The following CACNA1E variants were observed in gnomAD, a reference collection of about 807,000 sequenced individuals.
The protein encoded by CACNA1E is calcium voltage-gated channel subunit alpha1 E.
Under a neutral mutation model 259.2 loss-of-function variants are expected in CACNA1E, and 40 were observed. The ratio of observed to expected loss-of-function variants is 0.15; its 90% CI spans 0.12 to 0.20. The LOEUF is 0.20. Among genes scored for constraint, CACNA1E ranks in the 10% least tolerant of loss-of-function variants. CACNA1E has a pLI of 1.00. For missense variants in CACNA1E, 1,874 were observed against 3,040.1 expected (o/e 0.62, Z 9.02); for synonymous variants, 1,104 against 1,138.5 (o/e 0.97, Z 0.61).
chr1:181,431,729 A>AT (rs1659733988), intron 2 of CACNA1E, among the ~76,000 whole-genome samples: 1 of 152,164 alleles, frequency 6.6e-6, no homozygotes, highest in African/African-American at 2.4e-5. Context: ...TAGTACAAGG[A>AT]TTTTGACTGG....
chr1:181,756,361 A>G (rs1476389256), intron 29 of CACNA1E, among the ~76,000 whole-genome samples: 2 of 152,322 alleles, frequency 1.3e-5, no homozygotes, highest in African/African-American at 2.4e-5. Flanking sequence ...TCTGACTTCT[A>G]TGGAACAAAT....
chr1:181,630,900 C>T (rs1209997193), intron 6 of CACNA1E, among the ~76,000 whole-genome samples: 2 of 152,072 alleles, frequency 1.3e-5, no homozygotes, highest in Non-Finnish European at 2.9e-5. Flanking sequence ...TCCATGTGTA[C>T]TGGTTTCAAG....
intron 2 of CACNA1E, among the ~76,000 whole-genome samples, chr1:181,474,296 A>G (rs1662703205): frequency 6.6e-6 from 1 of 152,218 alleles, no homozygotes; most frequent in Non-Finnish European, 1.5e-5. Flanking sequence ...GAGTGCATGT[A>G]TATGTGTGTG....
intron 2 of CACNA1E, among the ~76,000 whole-genome samples, chr1:181,457,219 C>A (rs1004025558): frequency 2.6e-5 from 4 of 152,236 alleles, no homozygotes; most frequent in African/African-American, 9.6e-5. Flanking sequence ...CAAAGGATCT[C>A]TTTGGGGCCT....
intron 2 of CACNA1E, among the ~76,000 whole-genome samples, chr1:181,424,779 G>A (rs992874896): frequency 1.3e-5 from 2 of 152,156 alleles, no homozygotes; most frequent in South Asian, 2.1e-4. Flanking sequence ...CCTTGGGGGA[G>A]GACTCTCCCC....
At chr1:181,773,187 T>C (rs944751487) in intron 37 of CACNA1E, among the ~76,000 whole-genome samples, 9 of 152,160 alleles carry the variant, frequency 5.9e-5, no homozygotes, top group Non-Finnish European at 1.2e-4. Context: ...CCAAGGGGAC[T>C]GAAACTTCCC....
chr1:181,639,104 T>C (rs1308604395), intron 6 of CACNA1E, among the ~76,000 whole-genome samples: 1 of 152,134 alleles, frequency 6.6e-6, no homozygotes, highest in Non-Finnish European at 1.5e-5. Flanking sequence ...TTTTTTTTTT[T>C]TGAGATGGAG....
chr1:181,676,922 A>C (rs1649435106), intron 7 of CACNA1E, among the ~76,000 whole-genome samples: 1 of 152,178 alleles, frequency 6.6e-6, no homozygotes, highest in Admixed American at 6.5e-5. Flanking sequence ...TGGTGGAAGA[A>C]CTTCCTCCAG....
intron 4 of CACNA1E, 88 bp downstream of exon 4, chr1:181,577,957 C>T (rs1651136443): frequency 7.4e-6 from 6 of 807,566 alleles, no homozygotes; most frequent in Non-Finnish European, 1.2e-5. Flanking sequence ...TTGGGATAAA[C>T]AAACAATATT....
intron 1 of CACNA1E, among the ~76,000 whole-genome samples, chr1:181,401,562 G>T (rs565694897): frequency 2.0e-5 from 3 of 152,280 alleles, no homozygotes; most frequent in Non-Finnish European, 4.4e-5. Context: ...CTTGAAGATT[G>T]TTGAGGAGAT....
At chr1:181,726,547 A>T (rs992987310) in intron 18 of CACNA1E, among the ~76,000 whole-genome samples, 1 of 152,116 alleles carries the variant, frequency 6.6e-6, no homozygotes, top group African/African-American at 2.4e-5. Context: ...GTTCCCCAGC[A>T]AGGTTCAGTG....
At chr1:181,706,410 T>A (rs1254782954) in intron 7 of CACNA1E, among the ~76,000 whole-genome samples, 1 of 152,210 alleles carries the variant, frequency 6.6e-6, no homozygotes, top group Non-Finnish European at 1.5e-5. Flanking sequence ...CCCATGAGCC[T>A]GATGGGCATG....
chr1:181,428,433 G>C (rs924414797), intron 2 of CACNA1E, among the ~76,000 whole-genome samples: 3 of 152,194 alleles, frequency 2.0e-5, no homozygotes, highest in African/African-American at 7.2e-5. Flanking sequence ...CCGGCACAGA[G>C]TGGAGAGCCC....
At chr1:181,749,397 G>A (rs927959318) in intron 25 of CACNA1E, among the ~76,000 whole-genome samples, 1 of 152,170 alleles carries the variant, frequency 6.6e-6, no homozygotes, top group African/African-American at 2.4e-5. Flanking sequence ...CAGTTGGGTG[G>A]ATTTCAGGGA....
intron 6 of CACNA1E, among the ~76,000 whole-genome samples, chr1:181,594,915 T>C (rs751795437): frequency 5.9e-5 from 9 of 152,238 alleles, no homozygotes; most frequent in Non-Finnish European, 1.3e-4. Flanking sequence ...AAAAATCCTT[T>C]AAAGTTATGA....
chr1:181,621,569 T>C (rs566514246), intron 6 of CACNA1E, among the ~76,000 whole-genome samples: 120 of 152,308 alleles, frequency 7.9e-4, no homozygotes, highest in Non-Finnish European at 1.5e-3. Flanking sequence ...TATCTGTGAA[T>C]ATAAAACACA....
intron 2 of CACNA1E, among the ~76,000 whole-genome samples, chr1:181,474,681 T>G (rs1267074516): frequency 6.6e-6 from 1 of 151,952 alleles, no homozygotes; most frequent in African/African-American, 2.4e-5. Flanking sequence ...TTGATATGGG[T>G]TTTTTTTGAA....
At chr1:181,647,323 C>T (rs1409384225) in intron 6 of CACNA1E, among the ~76,000 whole-genome samples, 1 of 152,048 alleles carries the variant, frequency 6.6e-6, no homozygotes, top group Non-Finnish European at 1.5e-5. Context: ...ATGGCTGTCC[C>T]GTGTTCCTGA....
intron 2 of CACNA1E, among the ~76,000 whole-genome samples, chr1:181,468,760 T>C (rs57657215): frequency 0.027 from 4,095 of 152,146 alleles, 203 homozygotes; most frequent in African/African-American, 0.092. Flanking sequence ...GTCTAAATAA[T>C]TTTTTGGCAG....
Sources: gnomAD v4.1 joint callset for allele counts (sites outside exome capture counted in the v4.1 genomes callset) on GRCh38, gnomAD v4.1.1 for gene constraint, MANE v1.5 for transcripts, NCBI Gene and HGNC (gene_info 2026-07-23, HGNC 2026-07-21) for gene names.